The following RAB3C variants were observed in gnomAD, a reference collection of about 807,000 sequenced individuals.
RAB3C encodes RAB3C, member RAS oncogene family, also known as ras-related protein Rab-3C.
A neutral mutation model predicts 26.4 loss-of-function variants in RAB3C; 17 were observed. The observed-to-expected ratio is 0.64, with a 90% CI of 0.44 to 0.97. The LOEUF (loss-of-function observed/expected upper bound fraction) is 0.97. RAB3C is among the 50% of genes least tolerant of loss of function. The pLI is 0.00. For synonymous variants in RAB3C, 91 were observed against 95.9 expected, an observed-to-expected ratio of 0.95 and a Z score of 0.30; for missense variants, 242 against 281.9, an observed-to-expected ratio of 0.86 and a Z score of 1.01.
At chr5:58,775,873 A>G (rs1231102549) in intron 3 of RAB3C, among the ~76,000 whole-genome samples, 1 of 151,966 alleles carries the variant, frequency 6.6e-6, no homozygotes, top group African/African-American at 2.4e-5. Flanking sequence ...GTTACTCATC[A>G]TTTCCCCAAT....
chr5:58,700,839 T>G lies in RAB3C; in HGVS notation c.253-25163T>G, dbSNP rs74447493. Among the ~76,000 whole-genome samples the G allele has an allele frequency of 4.1e-3, 622 of 152,210 alleles. 4 individuals are homozygous for G. Among genetic ancestry groups the G allele is most frequent in the Non-Finnish European group, 6.4e-3 (436 of 68,004 alleles). ...CAATCATGCTACTGAGGAAAAAAAT[T>G]GAGAGCACTTGGTTTGGTGAGCCTG... On this transcript the variant is annotated intron_variant, in intron 2 of 4. Coordinates refer to ENST00000282878, the MANE Select transcript of RAB3C (RefSeq NM_138453.4).
At chr5:58,631,876 C>T (rs1747189014) in intron 2 of RAB3C, among the ~76,000 whole-genome samples, 1 of 152,176 alleles carries the variant, frequency 6.6e-6, no homozygotes, top group Admixed American at 6.5e-5. Context: ...GAATTGAAAG[C>T]ATTTTTCTTA....
At chr5:58,644,840 A>G (rs1747486134) in intron 2 of RAB3C, among the ~76,000 whole-genome samples, 1 of 152,174 alleles carries the variant, frequency 6.6e-6, no homozygotes, top group African/African-American at 2.4e-5. Flanking sequence ...TCTTTTTCCC[A>G]TCCCTAAGTG....
At chr5:58,636,336 C>G (rs1303868870) in intron 2 of RAB3C, among the ~76,000 whole-genome samples, 1 of 152,190 alleles carries the variant, frequency 6.6e-6, no homozygotes, top group Non-Finnish European at 1.5e-5. Flanking sequence ...TTAGAAACTA[C>G]ATTCCTGATG....
intron 2 of RAB3C, among the ~76,000 whole-genome samples, chr5:58,711,002 GA>G (rs1163036704): frequency 6.6e-6 from 1 of 152,176 alleles, no homozygotes; most frequent in Admixed American, 6.5e-5. Context: ...TTGTTTCCAT[GA>G]GGATCAAAGC....
At position 58,851,412 on chromosome 5, in the gene RAB3C, A is replaced by T. The variant is rs1373354370; in HGVS notation, c.*61A>T. 1.7e-5 allele frequency: 23 copies of T among 1,359,920 alleles called. No individual in the cohort carries two copies. The highest frequency in any genetic ancestry group is 2.3e-5 in the Non-Finnish European group (23 of 993,978). The allele number at this position is 1,359,920 out of a possible 1,614,324, so 84.2% of individuals were successfully genotyped here. ...GGTTGCCAACAAACAGCATTTGTAA[A>T]TGGTCTATTAGCCTTCATTTATACT... is the stretch of plus-strand genomic sequence containing the variant. On this transcript the variant is annotated 3_prime_UTR_variant, in exon 5 of 5. Transcript: ENST00000282878.
At chr5:58,720,435 C>T (rs1740722740) in intron 2 of RAB3C, among the ~76,000 whole-genome samples, 1 of 151,850 alleles carries the variant, frequency 6.6e-6, no homozygotes, top group South Asian at 2.1e-4. Flanking sequence ...TTTAATCTGT[C>T]TTTAATGATT....
intron 1 of RAB3C, among the ~76,000 whole-genome samples, chr5:58,583,565 G>A (rs1200142472): frequency 1.3e-5 from 2 of 152,146 alleles, no homozygotes; most frequent in East Asian, 1.9e-4. Flanking sequence ...TGGCATCCGG[G>A]GTTTGAGATC....
chr5:58,836,265 A>AATTAATT lies in RAB3C; in HGVS notation c.496+11103_496+11104insATTAATT, dbSNP rs3989121. Among the ~76,000 whole-genome samples the AATTAATT allele has an allele frequency of 2.1e-3, 323 of 150,912 alleles. 1 individual carries two copies. The highest frequency in any genetic ancestry group is 6.9e-3 in the Middle Eastern group (2 of 290). On this transcript the variant is annotated intron_variant, in intron 4 of 4. Transcript: ENST00000282878. The stretch of plus-strand genomic sequence containing the variant: ...TTTCTTTATTTTTAAAATTAAATTA[A>AATTAATT]TTTTTTTTACAAATTATGATGTTTC...
chr5:58,682,115 A>C (rs1472406513), intron 2 of RAB3C, among the ~76,000 whole-genome samples: 1 of 152,166 alleles, frequency 6.6e-6, no homozygotes, highest in East Asian at 1.9e-4. Flanking sequence ...GTGAAGTTTC[A>C]GTTTGGAAGT....
intron 2 of RAB3C, among the ~76,000 whole-genome samples, chr5:58,658,794 T>C (rs940960774): frequency 2.0e-5 from 3 of 152,194 alleles, no homozygotes; most frequent in African/African-American, 7.2e-5. Context: ...ATGGGGTTAC[T>C]GAGCCAAGTG....
chr5:58,656,678 T>C lies in RAB3C; in HGVS notation c.252+38808T>C, dbSNP rs550581955. 4.6e-5 allele frequency among the ~76,000 whole-genome samples: 7 copies of C among 152,090 alleles called. No individual in the cohort carries two copies. In the East Asian group the frequency reaches 9.7e-4, roughly 21 times the overall value. ...AAAAGATAGGTTAAGTGGATAAAAA[T>C]GAAGTAAGCATATACATTATAAGAG... is the stretch of plus-strand genomic sequence containing the variant. On this transcript the variant is annotated intron_variant, in intron 2 of 4. Transcript: ENST00000282878.
chr5:58,757,360 G>A (rs1247784708), intron 3 of RAB3C, among the ~76,000 whole-genome samples: 7 of 150,632 alleles, frequency 4.6e-5, no homozygotes, highest in African/African-American at 1.7e-4. Context: ...CTTTCAATAG[G>A]GAATACTTCT....
intron 3 of RAB3C, among the ~76,000 whole-genome samples, chr5:58,810,887 G>A (rs142742789): frequency 7.2e-5 from 11 of 152,278 alleles, no homozygotes; most frequent in South Asian, 2.1e-4. Flanking sequence ...ATGAGCCACC[G>A]TGCCCAGCCC....
At chr5:58,805,568 T>A (rs1483654566) in intron 3 of RAB3C, among the ~76,000 whole-genome samples, 1 of 109,406 alleles carries the variant, frequency 9.1e-6, no homozygotes, top group Non-Finnish European at 1.8e-5. Context: ...CCAGCCTGGG[T>A]GACAAAGCAA....
intron 2 of RAB3C, among the ~76,000 whole-genome samples, chr5:58,640,706 T>C (rs1747396855): frequency 6.6e-6 from 1 of 152,092 alleles, no homozygotes. Context: ...AATGAAACAG[T>C]AGAATAGAAA....
At position 58,851,470 on chromosome 5, in the gene RAB3C, T is replaced by C. The variant is rs76303466; in HGVS notation, c.*119T>C. 1,974 of 798,434 alleles carry C rather than the reference T, an allele frequency of 2.5e-3. 30 individuals are homozygous for C. In the African/African-American group the frequency reaches 0.03, roughly 12 times the overall value. 49.5% of individuals were successfully genotyped at this position (798,434 alleles called of 1,614,324 possible). A position where few individuals can be genotyped will look rare whatever the true frequency, so the allele number is the denominator to read the frequency against. On this transcript the variant is annotated 3_prime_UTR_variant, in exon 5 of 5. Transcript: ENST00000282878. ...AATTATTTGAAGGAATAAATTGATGTCAATGGCTCGTACGCATTCAATTCT... is the reference window on the plus strand; with the variant it reads ...AATTATTTGAAGGAATAAATTGATGCCAATGGCTCGTACGCATTCAATTCT...
At chr5:58,595,617 G>GA (rs893605955) in intron 1 of RAB3C, among the ~76,000 whole-genome samples, 6 of 152,040 alleles carry the variant, frequency 3.9e-5, no homozygotes, top group African/African-American at 1.4e-4. Context: ...TGAAGTGTTT[G>GA]AAAAAATGAC....
In RAB3C at chr5:58,698,131, A is replaced by G. The variant is rs1748758829; in HGVS notation, c.253-27871A>G. Reference sequence around the variant, plus strand: ...GTAAGTCAGGCCTGTTGGTGACAAAATCTCTGAGCATTTGCTTGTCTGTAA... The same window carrying G: ...GTAAGTCAGGCCTGTTGGTGACAAAGTCTCTGAGCATTTGCTTGTCTGTAA... On this transcript the variant is annotated intron_variant, in intron 2 of 4. Transcript: ENST00000282878. Among the ~76,000 whole-genome samples the G allele has an allele frequency of 2.0e-5, 3 of 151,864 alleles. No individual in the cohort carries two copies. In the South Asian group the frequency reaches 6.2e-4, roughly 32 times the overall value.
Sources: allele counts gnomAD v4.1 joint callset (sites outside exome capture counted in the v4.1 genomes callset), GRCh38; gene constraint gnomAD v4.1.1; transcripts MANE v1.5; gene names NCBI Gene and HGNC (gene_info 2026-07-23, HGNC 2026-07-21).